The following VAX2 variants were observed in gnomAD, a reference collection of about 807,000 sequenced individuals.
VAX2 encodes the protein ventral anterior homeobox 2.
A neutral mutation model predicts 12.5 loss-of-function variants in VAX2; 8 were observed. The ratio of observed to expected loss-of-function variants is 0.64; its 90% CI spans 0.37 to 1.15. VAX2 has a LOEUF of 1.15. VAX2 is among the 50% of genes most tolerant of loss of function. The pLI is 0.01. For synonymous variants in VAX2, 183 were observed against 187.6 expected, an observed-to-expected ratio of 0.98 and a Z score of 0.20; for missense variants, 476 against 412.9, an observed-to-expected ratio of 1.15 and a Z score of -1.32.
chr2:70,920,194 T>C (rs1553412610), intron 1 of VAX2, among the ~76,000 whole-genome samples: 1 of 152,238 alleles, frequency 6.6e-6, no homozygotes, highest in Non-Finnish European at 1.5e-5. Context: ...CTACAGGATG[T>C]GATGCTGCAT....
At chr2:70,913,092 A>G (rs1679225576) in intron 1 of VAX2, among the ~76,000 whole-genome samples, 1 of 152,222 alleles carries the variant, frequency 6.6e-6, no homozygotes. Context: ...TGCTGCAGAG[A>G]CAACCGCAAA....
intron 1 of VAX2, among the ~76,000 whole-genome samples, chr2:70,913,776 G>T (rs1023562400): frequency 2.6e-5 from 4 of 152,040 alleles, no homozygotes; most frequent in African/African-American, 9.7e-5. Context: ...AGGAACAAAT[G>T]CTTTTCTCTT....
Position 70,929,688 on chromosome 2 carries a change from A to AAAAG in VAX2, c.436-3076_436-3075insGAAA, listed in dbSNP as rs72066393. Among the ~76,000 whole-genome samples, 91 of 151,898 alleles carry AAAAG rather than the reference A, an allele frequency of 6.0e-4. 1 individual carries two copies. The highest frequency in any genetic ancestry group is 1.5e-3 in the African/African-American group (64 of 41,478). ...GGCTACAGAGTGAGACTCCATCTCA[A>AAAAG]AAAAAAAAAACAATGTATATAGCAA... is the stretch of plus-strand genomic sequence containing the variant. On this transcript the variant is annotated intron_variant, in intron 2 of 2. Transcript: ENST00000234392.
chr2:70,920,817 G>A (rs1009144959), intron 1 of VAX2, among the ~76,000 whole-genome samples: 3 of 152,148 alleles, frequency 2.0e-5, no homozygotes, highest in African/African-American at 7.2e-5. Context: ...AATCCTGGCT[G>A]GGACAGAGTG....
At chr2:70,912,768 G>T (rs1246033482) in intron 1 of VAX2, among the ~76,000 whole-genome samples, 1 of 152,102 alleles carries the variant, frequency 6.6e-6, no homozygotes, top group African/African-American at 2.4e-5. Flanking sequence ...TGTCTATTGG[G>T]AGAGGTGCCA....
intron 1 of VAX2, among the ~76,000 whole-genome samples, chr2:70,905,061 C>A (rs552573750): frequency 1.3e-5 from 2 of 152,192 alleles, no homozygotes; most frequent in South Asian, 4.1e-4. Context: ...CAGGGCCGGC[C>A]GGCCTCTGCT....
At chr2:70,919,453 G>A (rs190461291) in intron 1 of VAX2, among the ~76,000 whole-genome samples, 1 of 152,190 alleles carries the variant, frequency 6.6e-6, no homozygotes, top group Non-Finnish European at 1.5e-5. Context: ...ACTTTGGGAG[G>A]CTGAGACAAG....
chr2:70,916,402 T>C (rs577279381), intron 1 of VAX2, among the ~76,000 whole-genome samples: 3 of 152,342 alleles, frequency 2.0e-5, no homozygotes, highest in African/African-American at 7.2e-5. Context: ...CACTGTTTTT[T>C]TGTTTTTTGT....
chr2:70,908,186 ATAAT>A (rs1679101262), intron 1 of VAX2, among the ~76,000 whole-genome samples: 3 of 152,378 alleles, frequency 2.0e-5, no homozygotes, highest in East Asian at 1.9e-4. Flanking sequence ...TGTAAAATAG[ATAAT>A]TAATTCATCA....
At chr2:70,924,387 G>T (rs1352349869) in intron 2 of VAX2, 1 of 151,198 alleles carries the variant, frequency 6.6e-6, no homozygotes, top group Non-Finnish European at 1.5e-5. Flanking sequence ...GTAGAGACGG[G>T]GTCTCGCTTT....
intron 1 of VAX2, among the ~76,000 whole-genome samples, chr2:70,920,370 G>T (rs1215749215): frequency 1.3e-5 from 2 of 152,016 alleles, no homozygotes. Context: ...TCTTCAGTGG[G>T]CTCCAAAATA....
In VAX2 at chr2:70,932,970, C is replaced by A; in HGVS notation, c.639C>A (p.Ser213Arg). 1 of 1,611,242 alleles carries A rather than the reference C, an allele frequency of 6.2e-7. No homozygotes were observed. Among genetic ancestry groups the A allele is most frequent in the Non-Finnish European group, 8.5e-7 (1 of 1,178,396 alleles). Reference sequence around the variant, plus strand: ...CTAGCCTGCCAGGCCTACCTGCCAGCCACAGGGGCACCTCCTTAGGTGACC... The same window carrying A: ...CTAGCCTGCCAGGCCTACCTGCCAGACACAGGGGCACCTCCTTAGGTGACC... ...LTPSLPGLPASHRGTSLGDPR... is the reference protein window; with the variant it reads ...LTPSLPGLPARHRGTSLGDPR... The change falls in exon 3 of 3, where the codon AGC becomes AGA. Residue 213 changes from serine to arginine, a missense_variant. Physicochemically the swap from Ser to Arg is moderately radical, Grantham distance 110. Transcript: ENST00000234392.
intron 2 of VAX2, among the ~76,000 whole-genome samples, chr2:70,931,850 G>T (rs1175470791): frequency 2.0e-5 from 3 of 152,254 alleles, no homozygotes; most frequent in Non-Finnish European, 4.4e-5. Flanking sequence ...CAGAGCCAGG[G>T]TGGGCCATGA....
intron 2 of VAX2, among the ~76,000 whole-genome samples, chr2:70,922,727 C>G (rs572191202): frequency 6.6e-6 from 1 of 151,474 alleles, no homozygotes; most frequent in African/African-American, 2.5e-5. Flanking sequence ...GTCATCTCCA[C>G]CTGCACTTGT....
chr2:70,933,369 C>A lies in VAX2; in HGVS notation c.*165C>A. The A allele has an allele frequency of 3.5e-6, 2 of 575,642 alleles. No homozygotes were observed. The highest frequency in any genetic ancestry group is 8.2e-5 in the Admixed American group (2 of 24,336). The allele number at this position is 575,642 out of a possible 1,614,324, so 35.7% of individuals were successfully genotyped here. On this transcript the variant is annotated 3_prime_UTR_variant, in exon 3 of 3. Coordinates refer to ENST00000234392, the MANE Select transcript of VAX2 (RefSeq NM_012476.3). ...TCGTGACCAAATGGCCTTGGTCCCG[C>A]AGCTTGTGTGCGTGAGTGCAGTGTG...
intron 2 of VAX2, among the ~76,000 whole-genome samples, chr2:70,930,352 G>A (rs1553414148): frequency 1.3e-5 from 2 of 152,144 alleles, no homozygotes; most frequent in African/African-American, 4.8e-5. Context: ...TGAGGTTTGA[G>A]GAAAGCACAT....
At chr2:70,920,558 C>T (rs539421553) in intron 1 of VAX2, among the ~76,000 whole-genome samples, 10 of 152,180 alleles carry the variant, frequency 6.6e-5, no homozygotes, top group East Asian at 1.9e-4. Context: ...TGTCCTCTAC[C>T]GCTCATCAGC....
intron 1 of VAX2, among the ~76,000 whole-genome samples, chr2:70,919,737 A>T (rs983685813): frequency 8.5e-5 from 13 of 152,182 alleles, no homozygotes; most frequent in Admixed American, 7.2e-4. Flanking sequence ...CTGTAGTCCC[A>T]GCAACTTGGG....
At chr2:70,926,545 G>T (rs1420545340) in intron 2 of VAX2, among the ~76,000 whole-genome samples, 2 of 152,118 alleles carry the variant, frequency 1.3e-5, no homozygotes, top group African/African-American at 4.8e-5. Flanking sequence ...ATTTCTCAAG[G>T]TATGCTCTGG....
Sources: allele counts gnomAD v4.1 joint callset (sites outside exome capture counted in the v4.1 genomes callset), GRCh38; gene constraint gnomAD v4.1.1; transcripts MANE v1.5; gene names NCBI Gene and HGNC (gene_info 2026-07-23, HGNC 2026-07-21).